Variants in KALRN observed in about 807,000 individuals in gnomAD.
The protein encoded by KALRN is kalirin RhoGEF kinase, also known as kalirin.
In KALRN, 70 loss-of-function variants were observed where a neutral mutation model predicts 353.7. The observed-to-expected ratio is 0.20, with a 90% CI of 0.16 to 0.24. The LOEUF (loss-of-function observed/expected upper bound fraction) is 0.24. Among genes scored for constraint, KALRN ranks in the 10% least tolerant of loss-of-function variants. The pLI, the probability that KALRN is intolerant of heterozygous loss-of-function variation, is 1.00. For synonymous variants in KALRN, 1,391 were observed against 1,434.8 expected (o/e 0.97, Z 0.69); for missense variants, 2,791 against 3,756.7 (o/e 0.74, Z 6.72).
At chr3:124,188,010 A>G (rs2074432224) in intron 1 of KALRN, among the ~76,000 whole-genome samples, 1 of 152,160 alleles carries the variant, frequency 6.6e-6, no homozygotes. Flanking sequence ...AAACCCCAGA[A>G]ATGAAGCAAA....
At chr3:124,452,522 G>GGAGGA (rs1004419365) in intron 21 of KALRN, among the ~76,000 whole-genome samples, 10 of 152,136 alleles carry the variant, frequency 6.6e-5, no homozygotes, top group African/African-American at 2.4e-4. Context: ...TGTTTTTTGG[G>GGAGGA]GAGGAGAGGA....
intron 10 of KALRN, among the ~76,000 whole-genome samples, chr3:124,354,098 A>G (rs535094370): frequency 6.6e-6 from 1 of 152,364 alleles, no homozygotes; most frequent in East Asian, 1.9e-4. Context: ...AATATCCAAG[A>G]TATTATAGAG....
chr3:124,491,527 C>A, intron 31 of KALRN, 103 bp downstream of exon 31: 1 of 727,330 alleles, frequency 1.4e-6, no homozygotes, highest in South Asian at 3.3e-5. Context: ...TCTACTGAGC[C>A]ATGGGCCTCT....
intron 1 of KALRN, among the ~76,000 whole-genome samples, chr3:124,118,887 CA>C (rs1306967953): frequency 1.3e-5 from 2 of 152,188 alleles, no homozygotes; most frequent in Admixed American, 1.3e-4. Flanking sequence ...TATGTATCCC[CA>C]TTTTACAAGT....
intron 5 of KALRN, among the ~76,000 whole-genome samples, chr3:124,287,260 C>T (rs1336194120): frequency 6.6e-6 from 1 of 152,136 alleles, no homozygotes; most frequent in Non-Finnish European, 1.5e-5. Flanking sequence ...ACCTCTCATA[C>T]CTGTTCTCTG....
At position 124,406,493 on chromosome 3, in the gene KALRN, G is replaced by A. The variant is rs114464889; in HGVS notation, c.2347-6977G>A. On this transcript the variant is annotated intron_variant, in intron 13 of 59. Transcript: ENST00000682506. ...TGTCTTTCCCTATCAGCCAGCATTTGTAGGGCAGTGGAGAATATTTGTCTT... is the reference window on the plus strand; with the variant it reads ...TGTCTTTCCCTATCAGCCAGCATTTATAGGGCAGTGGAGAATATTTGTCTT... 3.5e-3 allele frequency among the ~76,000 whole-genome samples: 526 copies of A among 152,302 alleles called. 3 individuals are homozygous for A. Among genetic ancestry groups the A allele is most frequent in the Non-Finnish European group, 6.3e-3 (426 of 68,028 alleles).
chr3:124,376,685 A>T (rs953648992), intron 10 of KALRN, among the ~76,000 whole-genome samples: 1 of 152,194 alleles, frequency 6.6e-6, no homozygotes, highest in Non-Finnish European at 1.5e-5. Context: ...ACCTTCATTT[A>T]CATGGCAAAC....
At chr3:124,616,271 T>C (rs2078584087) in intron 34 of KALRN, among the ~76,000 whole-genome samples, 1 of 152,340 alleles carries the variant, frequency 6.6e-6, no homozygotes, top group Middle Eastern at 3.4e-3. Context: ...TAATTAAGCC[T>C]GTTGCAGTTA....
chr3:124,396,796 G>A (rs1174966497), intron 12 of KALRN, among the ~76,000 whole-genome samples: 1 of 152,220 alleles, frequency 6.6e-6, no homozygotes, highest in Non-Finnish European at 1.5e-5. Flanking sequence ...TGCTCTGCAA[G>A]ATTAAATTCC....
At chr3:124,231,010 C>T (rs773437625) in intron 2 of KALRN, among the ~76,000 whole-genome samples, 27 of 152,248 alleles carry the variant, frequency 1.8e-4, no homozygotes, top group Non-Finnish European at 3.5e-4. Flanking sequence ...AAGAAGAAAG[C>T]GCTGCAAGGA....
Position 124,666,443 on chromosome 3 carries a change from C to T in KALRN, c.6346-6C>T. 6.2e-7 allele frequency: 1 copy of T among 1,613,734 alleles called. No individual in the cohort carries two copies. Among genetic ancestry groups the T allele is most frequent in the Non-Finnish European group, 8.5e-7 (1 of 1,179,718 alleles). On this transcript the variant is annotated splice_polypyrimidine_tract_variant and splice_region_variant and intron_variant, in intron 45 of 59. Coordinates refer to ENST00000682506, the MANE Select transcript of KALRN (RefSeq NM_001388419.1). The stretch of plus-strand genomic sequence containing the variant: ...TTCACTTCACCCCAGCCCGTCTTTC[C>T]TTCAGGGCACTCTGACTGCTCAGGG...
chr3:124,597,069 CACAA>C (rs3058057), intron 34 of KALRN, among the ~76,000 whole-genome samples: 46,213 of 151,488 alleles, frequency 0.31, 7,568 homozygotes, highest in East Asian at 0.5. Context: ...AAAACAAAAA[CACAA>C]ACAAAACAAA....
At chr3:124,583,929 G>T (rs2074861773) in intron 34 of KALRN, among the ~76,000 whole-genome samples, 1 of 152,162 alleles carries the variant, frequency 6.6e-6, no homozygotes, top group Non-Finnish European at 1.5e-5. Context: ...GGAGGCTAAG[G>T]CAGGAGGATC....
chr3:124,255,572 T>C (rs900780563), intron 3 of KALRN, among the ~76,000 whole-genome samples: 2 of 152,224 alleles, frequency 1.3e-5, no homozygotes, highest in East Asian at 1.9e-4. Flanking sequence ...ACCTTCATAA[T>C]GAGGTTCTCC....
At chr3:124,411,433 C>CTTTTTTTTT (rs61485429) in intron 13 of KALRN, among the ~76,000 whole-genome samples, 573 of 51,496 alleles carry the variant, frequency 0.011, 131 homozygotes, top group South Asian at 0.02. Flanking sequence ...TTAAATTATG[C>CTTTTTTTTT]TTTTTTTTTT....
chr3:124,482,917 C>G lies in KALRN; in HGVS notation c.4284+17C>G. 6.6e-7 allele frequency: 1 copy of G among 1,516,760 alleles called. No homozygotes were observed. The highest frequency in any genetic ancestry group is 9.2e-7 in the Non-Finnish European group (1 of 1,091,010). 94.0% of individuals were successfully genotyped at this position (1,516,760 alleles called of 1,614,324 possible). ...CTCCTGAAGGTACCTCCCCTCCCCT[C>G]TACATCCCCCTCCACTGCCTACTGC... On this transcript the variant is annotated intron_variant, in intron 28 of 59. Coordinates refer to ENST00000682506, the MANE Select transcript of KALRN (RefSeq NM_001388419.1).
At chr3:124,412,494 T>G (rs1010169831) in intron 13 of KALRN, among the ~76,000 whole-genome samples, 3 of 152,204 alleles carry the variant, frequency 2.0e-5, no homozygotes, top group African/African-American at 7.2e-5. Flanking sequence ...TTAAAAACTT[T>G]TAATTTTGAT....
Position 124,462,507 on chromosome 3 carries a change from C to G in KALRN, c.3922-17C>G. On this transcript the variant is annotated splice_polypyrimidine_tract_variant and intron_variant, in intron 24 of 59. Transcript: ENST00000682506. ...CCTGCCAGACTTGCCAGTGATGAAA[C>G]TGTTACTGTCTTACAGACCTACCTG... The G allele has an allele frequency of 6.9e-7, 1 of 1,456,652 alleles. No individual in the cohort carries two copies. The highest frequency in any genetic ancestry group is 9.6e-7 in the Non-Finnish European group (1 of 1,039,218). 90.2% of individuals were successfully genotyped at this position (1,456,652 alleles called of 1,614,324 possible). A position where few individuals can be genotyped will look rare whatever the true frequency, so the allele number is the denominator to read the frequency against.
At chr3:124,575,921 G>A (rs1173218260) in intron 34 of KALRN, among the ~76,000 whole-genome samples, 2 of 152,064 alleles carry the variant, frequency 1.3e-5, no homozygotes, top group Non-Finnish European at 2.9e-5. Flanking sequence ...ATATTTATAG[G>A]TTCTGGAGAG....
Sources: gnomAD v4.1 joint callset for allele counts (sites outside exome capture counted in the v4.1 genomes callset) on GRCh38, gnomAD v4.1.1 for gene constraint, MANE v1.5 for transcripts, NCBI Gene and HGNC (gene_info 2026-07-23, HGNC 2026-07-21) for gene names.